The following RGS7 variants were observed in gnomAD, a reference collection of about 807,000 sequenced individuals.
The protein encoded by RGS7 is regulator of G-protein signaling 7.
Under a neutral mutation model 81.1 loss-of-function variants are expected in RGS7, and 27 were observed. The observed-to-expected ratio is 0.33, with a 90% CI of 0.25 to 0.46. RGS7 has a LOEUF of 0.46. RGS7 is among the 20% of genes least tolerant of loss of function. The probability of loss-of-function intolerance (pLI) is 1.00; values close to 1 mark genes in which losing one functional copy is unlikely to be tolerated. For missense variants in RGS7, 396 were observed against 607.4 expected (o/e 0.65, Z 3.66); for synonymous variants, 208 against 207.7 (o/e 1.00, Z -0.01).
intron 3 of RGS7, among the ~76,000 whole-genome samples, chr1:241,088,932 A>G: frequency 6.7e-6 from 1 of 148,242 alleles, no homozygotes; most frequent in African/African-American, 2.5e-5. Context: ...AATCGCTTGA[A>G]CCTGGCAGGC....
At chr1:240,917,169 A>G (rs1244648615) in intron 6 of RGS7, among the ~76,000 whole-genome samples, 1 of 152,226 alleles carries the variant, frequency 6.6e-6, no homozygotes, top group Non-Finnish European at 1.5e-5. Flanking sequence ...GAATTATCAA[A>G]AGTGAAGGAA....
At chr1:241,328,810 C>T (rs895093070) in intron 2 of RGS7, among the ~76,000 whole-genome samples, 1 of 152,164 alleles carries the variant, frequency 6.6e-6, no homozygotes, top group Non-Finnish European at 1.5e-5. Flanking sequence ...ATTATCCCTA[C>T]CCCCAAATAA....
intron 9 of RGS7, among the ~76,000 whole-genome samples, chr1:240,827,573 T>C (rs959983273): frequency 1.3e-5 from 2 of 151,984 alleles, no homozygotes; most frequent in East Asian, 3.9e-4. Context: ...TTATAAAAAG[T>C]GAGGCTGGGC....
At chr1:241,187,298 T>G (rs1005631787) in intron 2 of RGS7, among the ~76,000 whole-genome samples, 5 of 152,168 alleles carry the variant, frequency 3.3e-5, no homozygotes, top group African/African-American at 1.2e-4. Flanking sequence ...TCCCTAGGAA[T>G]CCTGTGAAGT....
chr1:241,315,533 A>T (rs1293366634), intron 2 of RGS7, among the ~76,000 whole-genome samples: 1 of 152,250 alleles, frequency 6.6e-6, no homozygotes, highest in Non-Finnish European at 1.5e-5. Flanking sequence ...TTAGCTAAAT[A>T]CATTCCATAA....
chr1:241,106,784 G>A (rs907135736), intron 2 of RGS7, among the ~76,000 whole-genome samples: 26 of 76,666 alleles, frequency 3.4e-4, no homozygotes, highest in Admixed American at 5.1e-4. Flanking sequence ...ACACACACAC[G>A]ATAACATAAC....
chr1:240,860,055 G>A (rs923244430), intron 9 of RGS7, among the ~76,000 whole-genome samples: 4 of 152,126 alleles, frequency 2.6e-5, no homozygotes, highest in African/African-American at 9.7e-5. Context: ...ATTTTGGTCT[G>A]AGAACATACT....
chr1:241,017,327 G>A (rs1163053881), intron 3 of RGS7, among the ~76,000 whole-genome samples: 2 of 151,700 alleles, frequency 1.3e-5, no homozygotes, highest in Admixed American at 6.6e-5. Context: ...TGTAATTCCA[G>A]CTACCAGGGA....
intron 14 of RGS7, among the ~76,000 whole-genome samples, chr1:240,806,692 G>A (rs78524846): frequency 0.046 from 6,991 of 152,114 alleles, 506 homozygotes; most frequent in African/African-American, 0.16. Context: ...TAGCACTTCT[G>A]ACTGTTGATT....
intron 2 of RGS7, among the ~76,000 whole-genome samples, chr1:241,276,415 T>C (rs2078197300): frequency 6.6e-6 from 1 of 152,210 alleles, no homozygotes; most frequent in African/African-American, 2.4e-5. Context: ...GGCAGAGATA[T>C]ATCTTCCTAG....
intron 2 of RGS7, among the ~76,000 whole-genome samples, chr1:241,310,106 G>A (rs551327691): frequency 6.6e-6 from 1 of 152,078 alleles, no homozygotes; most frequent in Non-Finnish European, 1.5e-5. Flanking sequence ...ATTACAATAA[G>A]GTATACTGCC....
chr1:240,896,703 A>C (rs1457184278), intron 6 of RGS7, among the ~76,000 whole-genome samples: 2 of 148,702 alleles, frequency 1.3e-5, no homozygotes, highest in Non-Finnish European at 3.0e-5. Flanking sequence ...GTATAGTTTG[A>C]AGTCAGGTTA....
intron 2 of RGS7, among the ~76,000 whole-genome samples, chr1:241,316,704 A>G (rs2080899704): frequency 6.6e-6 from 1 of 152,142 alleles, no homozygotes; most frequent in South Asian, 2.1e-4. Context: ...TATCATAGAT[A>G]TTGGCCTGTA....
At chr1:241,162,049 A>G (rs566513204) in intron 2 of RGS7, among the ~76,000 whole-genome samples, 3 of 152,158 alleles carry the variant, frequency 2.0e-5, no homozygotes, top group Non-Finnish European at 4.4e-5. Context: ...GTAGCTAGGC[A>G]GACGTGAGCA....
chr1:240,997,037 C>G (rs1222637999), intron 3 of RGS7, among the ~76,000 whole-genome samples: 1 of 152,152 alleles, frequency 6.6e-6, no homozygotes, highest in Non-Finnish European at 1.5e-5. Context: ...GCAGCCTCAG[C>G]CTCCTGGGCT....
At chr1:241,149,324 G>A (rs754921759) in intron 2 of RGS7, among the ~76,000 whole-genome samples, 13 of 152,022 alleles carry the variant, frequency 8.6e-5, no homozygotes, top group Non-Finnish European at 1.9e-4. Flanking sequence ...GTGCCACCAC[G>A]CCCAGATAAT....
chr1:240,947,793 G>A (rs904059201), intron 4 of RGS7, among the ~76,000 whole-genome samples: 10 of 152,146 alleles, frequency 6.6e-5, no homozygotes, highest in Admixed American at 2.6e-4. Flanking sequence ...TCTCAGGATC[G>A]AAATAAAATT....
At chr1:241,194,478 C>T (rs948666167) in intron 2 of RGS7, among the ~76,000 whole-genome samples, 2 of 152,094 alleles carry the variant, frequency 1.3e-5, no homozygotes, top group Non-Finnish European at 2.9e-5. Flanking sequence ...TCTAACAAGT[C>T]GGCGATGGAG....
intron 9 of RGS7, among the ~76,000 whole-genome samples, chr1:240,831,630 C>CTTTTTT (rs767275119): frequency 3.0e-5 from 4 of 135,400 alleles, no homozygotes; most frequent in Non-Finnish European, 3.2e-5. Flanking sequence ...TCCAGACATC[C>CTTTTTT]TTTTTTTTTT....
Sources: allele counts gnomAD v4.1 joint callset (sites outside exome capture counted in the v4.1 genomes callset), GRCh38; gene constraint gnomAD v4.1.1; transcripts MANE v1.5; gene names NCBI Gene and HGNC (gene_info 2026-07-23, HGNC 2026-07-21).